RAB2A: variants seen among roughly 807,000 people sequenced by gnomAD.
RAB2A encodes the protein ras-related protein Rab-2A.
Under a neutral mutation model 32.5 loss-of-function variants are expected in RAB2A, and 7 were observed. That is an observed-to-expected ratio of 0.22 (90% CI 0.12 to 0.40). The LOEUF (loss-of-function observed/expected upper bound fraction) is 0.40. RAB2A is among the 10% of genes least tolerant of loss of function. The probability of loss-of-function intolerance (pLI) is 1.00; values close to 1 mark genes in which losing one functional copy is unlikely to be tolerated. For missense variants in RAB2A, 108 were observed against 260.7 expected (o/e 0.41, Z 4.03); for synonymous variants, 79 against 85.2 (o/e 0.93, Z 0.40).
chr8:60,574,683 A>C (rs1016104173), intron 3 of RAB2A, among the ~76,000 whole-genome samples: 1 of 152,200 alleles, frequency 6.6e-6, no homozygotes, highest in African/African-American at 2.4e-5. Context: ...AACTCGTCAT[A>C]CATCATTTTG....
chr8:60,535,197 A>C (rs546527987), intron 1 of RAB2A, among the ~76,000 whole-genome samples: 55 of 152,350 alleles, frequency 3.6e-4, no homozygotes, highest in African/African-American at 1.3e-3. Context: ...ATTGACATTT[A>C]AAGTAGCTAT....
intron 1 of RAB2A, among the ~76,000 whole-genome samples, chr8:60,522,681 T>A (rs1236604586): frequency 6.6e-6 from 1 of 152,074 alleles, no homozygotes; most frequent in African/African-American, 2.4e-5. Flanking sequence ...GGTTGAAAGG[T>A]TAAATACAAG....
chr8:60,518,529 G>T (rs1419153405), intron 1 of RAB2A, among the ~76,000 whole-genome samples: 2 of 137,278 alleles, frequency 1.5e-5, no homozygotes, highest in East Asian at 2.2e-4. Context: ...CGTGGCAGGC[G>T]CCTGTAATCC....
In RAB2A at chr8:60,532,123, A is replaced by G. The variant is rs1157929310; in HGVS notation, c.46+14870A>G. On this transcript the variant is annotated intron_variant, in intron 1 of 7. Transcript: ENST00000262646. ...CCCAGCCTACCTTGATTTCTTCTAC[A>G]CTCACTCTTAGTATTTTGTGGTACC... 2.0e-5 allele frequency among the ~76,000 whole-genome samples: 3 copies of G among 151,792 alleles called. No homozygotes were observed. The East Asian group carries it at 5.8e-4, about 29-fold the overall frequency.
intron 1 of RAB2A, among the ~76,000 whole-genome samples, chr8:60,536,581 T>C (rs1807561624): frequency 1.3e-5 from 2 of 152,236 alleles, no homozygotes; most frequent in Admixed American, 1.3e-4. Context: ...TTAAGATACA[T>C]GACTTATCTA....
Position 60,584,293 on chromosome 8 carries a change from G to T in RAB2A, c.269+3G>T. On this transcript the variant is annotated splice_donor_region_variant and intron_variant, in intron 4 of 7. Coordinates refer to ENST00000262646, the MANE Select transcript of RAB2A (RefSeq NM_002865.3). ...TTACTAGTTTACGATATTACACGGT[G>T]AGAACTTGAAAACTTTGCAATTCAG... 6.3e-7 allele frequency: 1 copy of T among 1,586,696 alleles called. No individual in the cohort carries two copies. Among genetic ancestry groups the T allele is most frequent in the South Asian group, 1.1e-5 (1 of 90,464 alleles).
intron 1 of RAB2A, among the ~76,000 whole-genome samples, chr8:60,553,203 G>T (rs1316992119): frequency 6.6e-6 from 1 of 152,182 alleles, no homozygotes; most frequent in Non-Finnish European, 1.5e-5. Context: ...GAAATTGATT[G>T]TTTATTTGGT....
intron 1 of RAB2A, among the ~76,000 whole-genome samples, chr8:60,548,759 G>A (rs1357820077): frequency 1.4e-5 from 2 of 141,194 alleles, no homozygotes; most frequent in African/African-American, 5.5e-5. Context: ...GCGGCTGGCC[G>A]GGCGGGGGGC....
chr8:60,602,765 A>G (rs1804155211), intron 6 of RAB2A, among the ~76,000 whole-genome samples: 1 of 152,230 alleles, frequency 6.6e-6, no homozygotes, highest in Non-Finnish European at 1.5e-5. Context: ...CTTAGAAAGA[A>G]ACAGCAATTA....
chr8:60,516,984 G>C (rs542889840), upstream of RAB2A: 1,174 of 439,452 alleles, frequency 2.7e-3, 4 homozygotes, highest in Non-Finnish European at 3.6e-3. Flanking sequence ...CGCGGCGGCT[G>C]TTATTGTTCG....
At chr8:60,539,575 A>G (rs1301833067) in intron 1 of RAB2A, among the ~76,000 whole-genome samples, 2 of 152,224 alleles carry the variant, frequency 1.3e-5, no homozygotes, top group Non-Finnish European at 2.9e-5. Flanking sequence ...GCATAAGTTC[A>G]CCAAATATAA....
intron 1 of RAB2A, among the ~76,000 whole-genome samples, chr8:60,549,227 C>G (rs1404251110): frequency 6.6e-6 from 1 of 152,110 alleles, no homozygotes; most frequent in Admixed American, 6.5e-5. Context: ...TCCTCACTTC[C>G]CAGACGGGGT....
intron 2 of RAB2A, among the ~76,000 whole-genome samples, chr8:60,560,722 G>A (rs926077084): frequency 6.7e-6 from 1 of 149,370 alleles, no homozygotes. Flanking sequence ...GAAACACTAT[G>A]AGATTTTTTT....
At chr8:60,618,303 C>T (rs574426337) in intron 6 of RAB2A, among the ~76,000 whole-genome samples, 2 of 152,176 alleles carry the variant, frequency 1.3e-5, no homozygotes, top group East Asian at 3.9e-4. Context: ...TGAGGAGTTC[C>T]CTTCTATTTC....
intron 1 of RAB2A, among the ~76,000 whole-genome samples, chr8:60,534,491 A>G (rs1043654952): frequency 6.6e-6 from 1 of 152,202 alleles, no homozygotes; most frequent in African/African-American, 2.4e-5. Flanking sequence ...TAAAACATAA[A>G]TAACAAATGA....
chr8:60,596,697 C>T (rs1332612489), intron 6 of RAB2A, among the ~76,000 whole-genome samples: 2 of 151,942 alleles, frequency 1.3e-5, no homozygotes, highest in African/African-American at 4.8e-5. Flanking sequence ...CTGAGGTGGG[C>T]GGATCACAAG....
chr8:60,537,352 G>T (rs1807573975), intron 1 of RAB2A, among the ~76,000 whole-genome samples: 1 of 152,174 alleles, frequency 6.6e-6, no homozygotes, highest in East Asian at 1.9e-4. Flanking sequence ...CTCCCAAGTA[G>T]CTGGGATTAG....
At chr8:60,558,821 T>C (rs755240890) in intron 1 of RAB2A, 31 bp from the exon 2 acceptor site, 1 of 1,557,212 alleles carries the variant, frequency 6.4e-7, no homozygotes, top group South Asian at 1.1e-5. Context: ...CTGTGAATTT[T>C]GTCTCTTATT....
intron 2 of RAB2A, among the ~76,000 whole-genome samples, chr8:60,562,910 A>G (rs1165298059): frequency 6.6e-6 from 1 of 152,168 alleles, no homozygotes; most frequent in Non-Finnish European, 1.5e-5. Flanking sequence ...CAAGCTAAAT[A>G]CAGGCCAGTA....
Sources: allele counts gnomAD v4.1 joint callset (sites outside exome capture counted in the v4.1 genomes callset), GRCh38; gene constraint gnomAD v4.1.1; transcripts MANE v1.5; gene names NCBI Gene and HGNC (gene_info 2026-07-23, HGNC 2026-07-21).